PGM3: variants seen among roughly 807,000 people sequenced by gnomAD.
PGM3 encodes the protein phosphoglucomutase 3.
Under a neutral mutation model 66.2 loss-of-function variants are expected in PGM3, and 40 were observed. The observed-to-expected ratio is 0.60, with a 90% CI of 0.47 to 0.79. PGM3 has a LOEUF of 0.79. Ranked by LOEUF, PGM3 falls within the 30% of genes least tolerant of loss-of-function variation. The pLI is 0.00. For missense variants in PGM3, 537 were observed against 643.4 expected, an observed-to-expected ratio of 0.83 and a Z score of 1.79; for synonymous variants, 191 against 224.2, an observed-to-expected ratio of 0.85 and a Z score of 1.32.
At chr6:83,151,079 A>G in the PGM3 span, among the ~76,000 whole-genome samples, 2 of 152,124 alleles carry the variant, frequency 1.3e-5, no homozygotes, top group African/African-American at 4.8e-5. Flanking sequence ...TTTGTTCAAC[A>G]TATGTTTATG....
At chr6:83,152,404 G>A in the PGM3 span, 1 of 970,470 alleles carries the variant, frequency 1.0e-6, no homozygotes, top group South Asian at 2.4e-5. Flanking sequence ...CTCTCAAGTA[G>A]ACTGTTTCAT....
At chr6:83,164,136 T>G (rs1233607375), downstream of PGM3, among the ~76,000 whole-genome samples, 15 of 148,684 alleles carry the variant, frequency 1.0e-4, no homozygotes. Context: ...TCAGAAATTT[T>G]CCAGTCTTCT....
chr6:83,188,492 A>C, intron 3 of PGM3, 122 bp downstream of exon 3: 2 of 724,174 alleles, frequency 2.8e-6, no homozygotes, highest in East Asian at 5.2e-5. Flanking sequence ...CCAGGCAGGT[A>C]GACATGCAAC....
At chr6:83,190,125 C>T (rs521406) in intron 2 of PGM3, among the ~76,000 whole-genome samples, 52,497 of 151,952 alleles carry the variant, frequency 0.35, 10,538 homozygotes, top group African/African-American at 0.56. Flanking sequence ...TTAAGTATTC[C>T]CACCACAAAA....
chr6:83,169,103 A>C lies in PGM3; in HGVS notation c.*131T>G. The C allele has an allele frequency of 6.9e-7, 1 of 1,457,862 alleles. No individual in the cohort carries two copies. The allele number at this position is 1,457,862 out of a possible 1,614,324, so 90.3% of individuals were successfully genotyped here. Reference sequence around the variant, plus strand: ...TATTCTGTTAGTGTTTAAGAAAAACAGATCTAGAGACAATCCAGTAGGCTG... The same window carrying C: ...TATTCTGTTAGTGTTTAAGAAAAACCGATCTAGAGACAATCCAGTAGGCTG... On this transcript the variant is annotated 3_prime_UTR_variant, in exon 13 of 13. Transcript: ENST00000513973.
chr6:83,156,528 C>A (rs1782833807), downstream of PGM3, among the ~76,000 whole-genome samples: 1 of 152,306 alleles, frequency 6.6e-6, no homozygotes, highest in Non-Finnish European at 1.5e-5. Context: ...GATTATGTAA[C>A]ATTTTCGGTA....
At chr6:83,176,274 A>G in intron 8 of PGM3, 1 of 459,480 alleles carries the variant, frequency 2.2e-6, no homozygotes, top group Non-Finnish European at 3.9e-6. Flanking sequence ...ACGGTGAGAG[A>G]GATGAGGGTC....
chr6:83,167,765 T>C lies in PGM3; in HGVS notation c.*1469A>G, dbSNP rs1786143583. On this transcript the variant is annotated 3_prime_UTR_variant, in exon 13 of 13. Transcript: ENST00000513973. ...AGAAACTTAATGTCATTTGTATTCA[T>C]TTCTTGACCAATTGCCAAAGTTTAT... The C allele has an allele frequency of 6.9e-7, 1 of 1,454,470 alleles. No homozygotes were observed. The highest frequency in any genetic ancestry group is 1.4e-5 in the African/African-American group (1 of 69,804). The allele number at this position is 1,454,470 out of a possible 1,614,324, so 90.1% of individuals were successfully genotyped here.
At chr6:83,150,881 T>C in the PGM3 span, among the ~76,000 whole-genome samples, 1 of 152,144 alleles carries the variant, frequency 6.6e-6, no homozygotes, top group Non-Finnish European at 1.5e-5. Flanking sequence ...GCAAAGTTTG[T>C]AAAAAGTCAA....
rs1170829425 is a variant in PGM3, at chr6:83,188,619, A to G, written c.384T>C (p.Asp128=). Residue 128 remains aspartate (D), a synonymous_variant, in exon 3 of 13, where the codon GAT becomes GAC. Coordinates refer to ENST00000513973, the MANE Select transcript of PGM3 (RefSeq NM_015599.3). The part of the protein sequence containing the change: ...QQDAFVVIGR[D]TRPSSEKLSQ... ...CCAGTAACTCTTATCATCACCTGGTATCTCTACCAATAACTACAAAGGCAT... is the reference window on the plus strand; with the variant it reads ...CCAGTAACTCTTATCATCACCTGGTGTCTCTACCAATAACTACAAAGGCAT... The G allele has an allele frequency of 1.2e-6, 2 of 1,610,624 alleles. No individual in the cohort carries two copies. Among genetic ancestry groups the G allele is most frequent in the African/African-American group, 1.3e-5 (1 of 74,792 alleles).
rs1426432082 is a variant in PGM3, at chr6:83,182,878, T to C, written c.558A>G (p.Lys186=). 6.2e-7 allele frequency: 1 copy of C among 1,614,002 alleles called. No individual in the cohort carries two copies. Among genetic ancestry groups the C allele is most frequent in the East Asian group, 2.2e-5 (1 of 44,852 alleles). ...TGAGTTCCACAAAAGCCTTAGAGAG[T>C]TTCTGGTAGTAACCTTCTATAGTTG... is the stretch of plus-strand genomic sequence containing the variant. ...GKATIEGYYQ[K]LSKAFVELTK... is the part of the protein sequence containing the mutation. Residue 186 remains lysine (K), a synonymous_variant, in exon 5 of 13, where the codon AAA becomes AAG. Transcript: ENST00000513973.
intron 1 of PGM3, among the ~76,000 whole-genome samples, chr6:83,191,883 C>T (rs932857435): frequency 5.7e-5 from 8 of 139,644 alleles, no homozygotes; most frequent in African/African-American, 2.1e-4. Flanking sequence ...CCCAGCTACT[C>T]GGGAGGCAGA....
chr6:83,177,354 G>A (rs759556017), intron 8 of PGM3, among the ~76,000 whole-genome samples: 2 of 152,042 alleles, frequency 1.3e-5, no homozygotes, highest in Non-Finnish European at 2.9e-5. Context: ...GTAACTCTCC[G>A]AGCAAGTAGT....
chr6:83,153,686 C>T, the PGM3 span: 2 of 1,310,532 alleles, frequency 1.5e-6, no homozygotes, highest in East Asian at 2.5e-5. Flanking sequence ...GTTCTGTTCC[C>T]TTATTGCCAT....
rs893812669 is a variant in PGM3 at position 83,168,613 on chromosome 6, C to T, written c.*621G>A. The stretch of plus-strand genomic sequence containing the variant: ...TATAATTAGTTTTTCTCCCACATAC[C>T]TTCACCAAGAGCAGTGAAGAATAAC... On this transcript the variant is annotated 3_prime_UTR_variant, in exon 13 of 13. Transcript: ENST00000513973. 1 of 997,506 alleles carries T rather than the reference C, an allele frequency of 1.0e-6. No homozygotes were observed. Among genetic ancestry groups the T allele is most frequent in the Non-Finnish European group, 1.2e-6 (1 of 837,620 alleles). 61.8% of individuals were successfully genotyped at this position (997,506 alleles called of 1,614,324 possible). A position where few individuals can be genotyped will look rare whatever the true frequency, so the allele number is the denominator to read the frequency against.
At chr6:83,191,282 C>G in intron 1 of PGM3, 1 of 1,510,962 alleles carries the variant, frequency 6.6e-7, no homozygotes, top group South Asian at 1.2e-5. Flanking sequence ...AGCTCCAGGA[C>G]TATCCTGGAC....
At chr6:83,156,151 GTTCCTTAGAAAATAC>G, downstream of PGM3, 1 of 1,505,998 alleles carries the variant, frequency 6.6e-7, no homozygotes, top group East Asian at 2.3e-5. Context: ...CAGGTTTTTG[GTTCCTTAGAAAATAC>G]TTCTCTAAAT....
downstream of PGM3, chr6:83,160,035 T>G (rs767158245): frequency 2.1e-6 from 3 of 1,428,370 alleles, no homozygotes; most frequent in Admixed American, 6.4e-5. Context: ...CTATGACTAA[T>G]TAAAAAGTTT....
Position 83,179,797 on chromosome 6 carries a change from C to A in PGM3, c.945+13G>T. 3.1e-6 allele frequency: 5 copies of A among 1,594,360 alleles called. No individual in the cohort carries two copies. Among genetic ancestry groups the A allele is most frequent in the Non-Finnish European group, 4.3e-6 (5 of 1,168,774 alleles). Reference sequence around the variant, plus strand: ...AGTCTTGTTTTAGAGGGTAGCCAATCCCCCCACCATACCTCCACCAGGAGC... The same window carrying A: ...AGTCTTGTTTTAGAGGGTAGCCAATACCCCCACCATACCTCCACCAGGAGC... On this transcript the variant is annotated intron_variant, in intron 7 of 12. Coordinates refer to ENST00000513973, the MANE Select transcript of PGM3 (RefSeq NM_015599.3).
Sources: gnomAD v4.1 joint callset for allele counts (sites outside exome capture counted in the v4.1 genomes callset) on GRCh38, gnomAD v4.1.1 for gene constraint, MANE v1.5 for transcripts, NCBI Gene and HGNC (gene_info 2026-07-23, HGNC 2026-07-21) for gene names.